Variants in SH3TC2 observed in about 807,000 individuals in gnomAD.
SH3TC2 encodes SH3 domain and tetratricopeptide repeats 2, also known as SH3 domain and tetratricopeptide repeat-containing protein 2.
A neutral mutation model predicts 124.5 loss-of-function variants in SH3TC2; 87 were observed. That is an observed-to-expected ratio of 0.70 (90% CI 0.59 to 0.84). The LOEUF is 0.84. Ranked by LOEUF, SH3TC2 falls within the 40% of genes least tolerant of loss-of-function variation. SH3TC2 has a pLI of 0.00. For missense variants in SH3TC2, 1,536 were observed against 1,566.4 expected, an observed-to-expected ratio of 0.98 and a Z score of 0.33; for synonymous variants, 634 against 628.5, an observed-to-expected ratio of 1.01 and a Z score of -0.13.
chr5:149,033,886 G>T (rs960205326), intron 8 of SH3TC2, among the ~76,000 whole-genome samples: 6 of 152,140 alleles, frequency 3.9e-5, no homozygotes, highest in African/African-American at 1.2e-4. Context: ...GCAAAACCTA[G>T]TCAGCAAGGT....
intron 12 of SH3TC2, among the ~76,000 whole-genome samples, chr5:149,017,981 C>G (rs570391924): frequency 6.6e-6 from 1 of 152,292 alleles, no homozygotes; most frequent in South Asian, 2.1e-4. Context: ...GAGTGGAGTA[C>G]TTGTGGCAGA....
rs371274790 is a variant in SH3TC2, at chr5:148,991,876, G to T, written c.*12835C>A. Among the ~76,000 whole-genome samples the T allele has an allele frequency of 6.6e-6, 1 of 152,200 alleles. No homozygotes were observed. Among genetic ancestry groups the T allele is most frequent in the African/African-American group, 2.4e-5 (1 of 41,446 alleles). Reference sequence around the variant, plus strand: ...TATCCATGGAGGTGAGCCTCCTCTTGCACTGGAAGCTGGTATGCTGATGAT... The same window carrying T: ...TATCCATGGAGGTGAGCCTCCTCTTTCACTGGAAGCTGGTATGCTGATGAT... On this transcript the variant is annotated 3_prime_UTR_variant, in exon 17 of 17. Coordinates refer to ENST00000515425, the MANE Select transcript of SH3TC2 (RefSeq NM_024577.4).
chr5:148,996,507 T>C lies in SH3TC2; in HGVS notation c.*8204A>G, dbSNP rs1753512405. On this transcript the variant is annotated 3_prime_UTR_variant, in exon 17 of 17. Transcript: ENST00000515425. ...ACAGACAAAAGTTAGTTTTGTTTTG[T>C]TTTATGAATAAGTAGCTTTTTGGTC... Among the ~76,000 whole-genome samples, 1 of 152,198 alleles carries C rather than the reference T, an allele frequency of 6.6e-6. No individual in the cohort carries two copies.
rs1340542991 is a variant in SH3TC2, at chr5:148,994,418, T to C, written c.*10293A>G. Among the ~76,000 whole-genome samples the C allele has an allele frequency of 6.6e-6, 1 of 152,202 alleles. No individual in the cohort carries two copies. The highest frequency in any genetic ancestry group is 6.5e-5 in the Admixed American group (1 of 15,282). On this transcript the variant is annotated 3_prime_UTR_variant, in exon 17 of 17. Transcript: ENST00000515425. ...AAAAGTGCTCAAATCTAAGCTGTGA[T>C]GGTAAGAATAATAGGTAAGTTTATC...
At chr5:149,062,927 C>T in intron 1 of SH3TC2, 44 bp downstream of exon 1, 3 of 1,550,590 alleles carry the variant, frequency 1.9e-6, no homozygotes, top group Non-Finnish European at 2.6e-6. Context: ...CTGGACCATC[C>T]ACTTTGGCCA....
rs931880216 is a variant in SH3TC2, at chr5:148,982,704, A to G, written c.*22007T>C. Among the ~76,000 whole-genome samples the G allele has an allele frequency of 6.6e-6, 1 of 152,214 alleles. No individual in the cohort carries two copies. The highest frequency in any genetic ancestry group is 1.5e-5 in the Non-Finnish European group (1 of 68,034). On this transcript the variant is annotated 3_prime_UTR_variant, in exon 17 of 17. Transcript: ENST00000515425. ...GAGAGTATGTCACTGAATTGTTTTT[A>G]TACACACAAAATATCCCTGGAAGAA...
At position 148,992,802 on chromosome 5, in the gene SH3TC2, T is replaced by C. The variant is rs1456603783; in HGVS notation, c.*11909A>G. Among the ~76,000 whole-genome samples, 1 of 152,074 alleles carries C rather than the reference T, an allele frequency of 6.6e-6. No homozygotes were observed. Among genetic ancestry groups the C allele is most frequent in the East Asian group, 1.9e-4 (1 of 5,186 alleles). On this transcript the variant is annotated 3_prime_UTR_variant, in exon 17 of 17. Coordinates refer to ENST00000515425, the MANE Select transcript of SH3TC2 (RefSeq NM_024577.4). ...TTTAACTACATCACACTGAGCTAACTCATCCCTGCAACATGCACCAAGAGT... is the reference window on the plus strand; with the variant it reads ...TTTAACTACATCACACTGAGCTAACCCATCCCTGCAACATGCACCAAGAGT...
rs542104572 is a variant in SH3TC2, at chr5:148,984,671, C to T, written c.*20040G>A. On this transcript the variant is annotated 3_prime_UTR_variant, in exon 17 of 17. Coordinates refer to ENST00000515425, the MANE Select transcript of SH3TC2 (RefSeq NM_024577.4). ...AGGAAGGAATTTGTCAGCATGTATCCCTGAAGGGTAAATGTCCACATTTGC... is the reference window on the plus strand; with the variant it reads ...AGGAAGGAATTTGTCAGCATGTATCTCTGAAGGGTAAATGTCCACATTTGC... Among the ~76,000 whole-genome samples the T allele has an allele frequency of 2.8e-4, 42 of 152,156 alleles. No homozygotes were observed. The highest frequency in any genetic ancestry group is 9.9e-4 in the African/African-American group (41 of 41,512).
At chr5:149,037,440 C>T (rs1754301552) in intron 8 of SH3TC2, among the ~76,000 whole-genome samples, 1 of 152,190 alleles carries the variant, frequency 6.6e-6, no homozygotes, top group Admixed American at 6.5e-5. Flanking sequence ...CCACGAAGGG[C>T]AGGGCTTACA....
intron 4 of SH3TC2, among the ~76,000 whole-genome samples, chr5:149,043,444 G>A (rs999925297): frequency 4.6e-5 from 7 of 152,252 alleles, no homozygotes; most frequent in African/African-American, 1.4e-4. Flanking sequence ...TGAACTACTC[G>A]TATTGCTTCT....
At chr5:149,014,102 CCTT>C (rs1248198248) in intron 12 of SH3TC2, among the ~76,000 whole-genome samples, 1 of 152,148 alleles carries the variant, frequency 6.6e-6, no homozygotes, top group African/African-American at 2.4e-5. Flanking sequence ...GCCAGAACTC[CCTT>C]CTTCTGAGTA....
chr5:149,022,724 T>C (rs1190127442), intron 12 of SH3TC2, among the ~76,000 whole-genome samples: 1 of 152,220 alleles, frequency 6.6e-6, no homozygotes, highest in African/African-American at 2.4e-5. Flanking sequence ...TAATGTAGTA[T>C]TGATACATGT....
At position 148,997,690 on chromosome 5, in the gene SH3TC2, T is replaced by C. The variant is rs1753533709; in HGVS notation, c.*7021A>G. ...TGTGTCACCTGACAGAAACACAATA[T>C]AATATAATGGTTTCATTTCCTAGCT... On this transcript the variant is annotated 3_prime_UTR_variant, in exon 17 of 17. Transcript: ENST00000515425. Among the ~76,000 whole-genome samples the C allele has an allele frequency of 6.6e-6, 1 of 152,176 alleles. No individual in the cohort carries two copies. The highest frequency in any genetic ancestry group is 6.5e-5 in the Admixed American group (1 of 15,286).
At chr5:149,055,378 C>T (rs1466500600) in intron 1 of SH3TC2, among the ~76,000 whole-genome samples, 2 of 151,984 alleles carry the variant, frequency 1.3e-5, no homozygotes, top group Non-Finnish European at 2.9e-5. Flanking sequence ...CTTGAATAAA[C>T]TTTTCACCAA....
In SH3TC2 at chr5:149,027,226, C is replaced by T. The variant is rs768389060; in HGVS notation, c.2506G>A (p.Gly836Arg). Reference sequence around the variant, plus strand: ...AGTCCCAGGAGGTTATAGATGACTCCCCTTTGAGTGAGACTCTCTGTCTCC... The same window carrying T: ...AGTCCCAGGAGGTTATAGATGACTCTCCTTTGAGTGAGACTCTCTGTCTCC... ...LKETESLTQRGVIYNLLGLAL... is the reference protein window; with the variant it reads ...LKETESLTQRRVIYNLLGLAL... Residue 836 changes from glycine to arginine, a missense_variant, in exon 11 of 17, where the codon GGA becomes AGA. Coordinates refer to ENST00000515425, the MANE Select transcript of SH3TC2 (RefSeq NM_024577.4). The T allele has an allele frequency of 8.1e-6, 13 of 1,614,100 alleles. No homozygotes were observed. The highest frequency in any genetic ancestry group is 8.5e-6 in the Non-Finnish European group (10 of 1,180,056).
At chr5:149,031,493 G>A in intron 9 of SH3TC2, 61 bp downstream of exon 9, 2 of 1,609,520 alleles carry the variant, frequency 1.2e-6, no homozygotes, top group Non-Finnish European at 1.7e-6. Context: ...TCCTGGTTAG[G>A]GACACTATCT....
Position 149,051,197 on chromosome 5 carries a change from C to A in SH3TC2, c.151+945G>T, listed in dbSNP as rs114140986. Among the ~76,000 whole-genome samples the A allele has an allele frequency of 1.8e-3, 272 of 152,238 alleles. 1 individual carries two copies. The highest frequency in any genetic ancestry group is 6.2e-3 in the African/African-American group (257 of 41,552). The stretch of plus-strand genomic sequence containing the variant: ...TTCTCTTTGCGGGCTTCATCGATGT[C>A]TTTTAAAAAGGATTTTGTGAGAGAT... On this transcript the variant is annotated intron_variant, in intron 2 of 16. Transcript: ENST00000515425.
chr5:149,036,149 G>A (rs1754279872), intron 8 of SH3TC2: 1 of 152,228 alleles, frequency 6.6e-6, no homozygotes, highest in African/African-American at 2.4e-5. Context: ...CTGAGGCATG[G>A]AGAGATAAAT....
chr5:149,013,162 G>T (rs541305151), intron 12 of SH3TC2, among the ~76,000 whole-genome samples: 25 of 152,224 alleles, frequency 1.6e-4, no homozygotes, highest in African/African-American at 5.5e-4. Flanking sequence ...TGGTTTGGCT[G>T]TGTCCCCACC....
Sources: gnomAD v4.1 joint callset for allele counts (sites outside exome capture counted in the v4.1 genomes callset) on GRCh38, gnomAD v4.1.1 for gene constraint, MANE v1.5 for transcripts, NCBI Gene and HGNC (gene_info 2026-07-23, HGNC 2026-07-21) for gene names.